The following DNAH2 variants were observed in gnomAD, a reference collection of about 807,000 sequenced individuals.
DNAH2 encodes the protein axonemal beta dynein heavy chain 2.
A neutral mutation model predicts 523.5 loss-of-function variants in DNAH2; 323 were observed. That is an observed-to-expected ratio of 0.62 (90% CI 0.56 to 0.68). DNAH2 has a LOEUF of 0.68. Ranked by LOEUF, DNAH2 falls within the 30% of genes least tolerant of loss-of-function variation. DNAH2 has a pLI of 0.00. For synonymous variants in DNAH2, 2,093 were observed against 2,177.4 expected, an observed-to-expected ratio of 0.96 and a Z score of 1.08; for missense variants, 4,907 against 5,701.5, an observed-to-expected ratio of 0.86 and a Z score of 4.49.
rs1220572720 is a variant in DNAH2, at chr17:7,719,897, C to G, written c.163C>G (p.Pro55Ala). ...ELQAELPKEE[P>A]EPRLEGPQAQ... ...GCAGGCTGAGCTCCCCAAGGAGGAG[C>G]CTGGTGGGTACTTGCTGGGGCAGAG... Residue 55 changes from proline to alanine, a missense_variant, in exon 2 of 86, where the codon CCT becomes GCT. This residue lies in a region of DNAH2 where 2,806 missense variants were observed against 3,190.8 expected (regional missense o/e 0.88). Transcript: ENST00000572933. The G allele has an allele frequency of 1.2e-5, 18 of 1,537,134 alleles. No homozygotes were observed. In the South Asian group the frequency reaches 2.3e-4, roughly 20 times the overall value.
chr17:7,722,186 AC>A (rs1486081183), intron 2 of DNAH2, among the ~76,000 whole-genome samples: 6 of 30,264 alleles, frequency 2.0e-4, no homozygotes, highest in South Asian at 3.4e-3. Context: ...TTTTATAGAG[AC>A]GGGGGGGGGG....
chr17:7,766,073 G>A (rs993301847), intron 21 of DNAH2, among the ~76,000 whole-genome samples: 1 of 151,976 alleles, frequency 6.6e-6, no homozygotes, highest in Non-Finnish European at 1.5e-5. Context: ...CACCGCGCCC[G>A]GCCCGCATTT....
intron 12 of DNAH2, among the ~76,000 whole-genome samples, chr17:7,746,679 G>T (rs1196103269): frequency 6.6e-6 from 1 of 152,060 alleles, no homozygotes; most frequent in Non-Finnish European, 1.5e-5. Flanking sequence ...AAAAACAAAA[G>T]ATTAATGCAG....
In DNAH2 at chr17:7,823,818, C is replaced by T. The variant is rs764520101; in HGVS notation, c.11330-16C>T. 1 of 1,612,992 alleles carries T rather than the reference C, an allele frequency of 6.2e-7. No homozygotes were observed. Among genetic ancestry groups the T allele is most frequent in the East Asian group, 2.2e-5 (1 of 44,870 alleles). ...GACTCACTCCCTCTCCCTGCAATGA[C>T]TCACCTCATCCCCAGGTGAGTGGGA... On this transcript the variant is annotated splice_polypyrimidine_tract_variant and intron_variant, in intron 74 of 85. Coordinates refer to ENST00000572933, the MANE Select transcript of DNAH2 (RefSeq NM_020877.5).
At chr17:7,743,313 A>G in intron 12 of DNAH2, 171 bp downstream of exon 12, 1 of 740,196 alleles carries the variant, frequency 1.4e-6, no homozygotes, top group Non-Finnish European at 2.4e-6. Context: ...GTCTCTCCCC[A>G]CCTCCCACCC....
chr17:7,739,836 T>C lies in DNAH2; in HGVS notation c.1274T>C (p.Leu425Pro), dbSNP rs1041331280. 5.0e-6 allele frequency: 8 copies of C among 1,614,048 alleles called. No individual in the cohort carries two copies. The highest frequency in any genetic ancestry group is 5.1e-6 in the Non-Finnish European group (6 of 1,180,010). Residue 425 changes from leucine (L) to proline (P), a missense_variant, in exon 9 of 86, where the codon CTG becomes CCG. By Grantham distance (98) the Leu-to-Pro change is moderately conservative. Around this residue, in one of 3 missense-constraint regions of DNAH2, gnomAD observed 2,806 missense variants for 3,190.8 expected, o/e 0.88. Coordinates refer to ENST00000572933, the MANE Select transcript of DNAH2 (RefSeq NM_020877.5). ...AQGPQITRNLLEIEDIFHKNL... is the reference protein window; with the variant it reads ...AQGPQITRNLPEIEDIFHKNL... Reference sequence around the variant, plus strand: ...GGGCCACAGATAACACGGAACTTGCTGGAGATTGAGGACATCTTTCATAAA... The same window carrying C: ...GGGCCACAGATAACACGGAACTTGCCGGAGATTGAGGACATCTTTCATAAA...
At chr17:7,804,856 A>AC in intron 59 of DNAH2, 102 bp from the exon 60 acceptor site, 1 of 1,132,226 alleles carries the variant, frequency 8.8e-7, no homozygotes, top group East Asian at 2.4e-5. Context: ...AAAAAAAAAA[A>AC]AAAATTCTTT....
In DNAH2 at chr17:7,766,913, G is replaced by A. The variant is rs902546152; in HGVS notation, c.3675+432G>A. On this transcript the variant is annotated intron_variant, in intron 22 of 85. Coordinates refer to ENST00000572933, the MANE Select transcript of DNAH2 (RefSeq NM_020877.5). ...GATCCACCTGGCTCGACCTCCCAAAGTGCTAGGATTACAGGTGTGAGCCAC... is the reference window on the plus strand; with the variant it reads ...GATCCACCTGGCTCGACCTCCCAAAATGCTAGGATTACAGGTGTGAGCCAC... 3.9e-5 allele frequency among the ~76,000 whole-genome samples: 6 copies of A among 152,114 alleles called. No individual in the cohort carries two copies. The South Asian group carries it at 1.0e-3, about 26-fold the overall frequency.
chr17:7,806,929 T>C (rs956629024), intron 61 of DNAH2, among the ~76,000 whole-genome samples: 2 of 151,848 alleles, frequency 1.3e-5, no homozygotes, highest in Non-Finnish European at 2.9e-5. Flanking sequence ...AGGTAAGTGA[T>C]GAGAGAGGAG....
chr17:7,825,420 A>C (rs140535435), intron 77 of DNAH2, among the ~76,000 whole-genome samples: 74 of 152,358 alleles, frequency 4.9e-4, no homozygotes, highest in Non-Finnish European at 8.4e-4. Flanking sequence ...AGCTGTTTGA[A>C]TCACGCATGG....
At chr17:7,791,826 C>T in intron 44 of DNAH2, 91 bp from the exon 45 acceptor site, 1 of 1,300,290 alleles carries the variant, frequency 7.7e-7, no homozygotes, top group South Asian at 1.5e-5. Context: ...GAGGAAGACC[C>T]AGGCTTTCCA....
intron 4 of DNAH2, among the ~76,000 whole-genome samples, chr17:7,730,006 A>C (rs923553645): frequency 6.6e-6 from 1 of 152,210 alleles, no homozygotes; most frequent in Non-Finnish European, 1.5e-5. Flanking sequence ...CTGCAAGTGC[A>C]TTACATCAAA....
At chr17:7,769,012 C>T (rs145804336) in intron 24 of DNAH2, among the ~76,000 whole-genome samples, 33 of 152,274 alleles carry the variant, frequency 2.2e-4, no homozygotes, top group African/African-American at 7.5e-4. Context: ...GAACATGTGG[C>T]GCAGACACCA....
Position 7,794,314 on chromosome 17 carries a change from A to G in DNAH2, c.7630A>G (p.Arg2544Gly), listed in dbSNP as rs754094642. The G allele has an allele frequency of 3.7e-5, 59 of 1,610,396 alleles. No individual in the cohort carries two copies. Among genetic ancestry groups the G allele is most frequent in the Non-Finnish European group, 4.8e-5 (56 of 1,178,492 alleles). ...GGGTGGACGGACTGTCATCTCCCCA[A>G]GGCTACGGAGTCGCTTCAACATTAT... ...PGGGRTVISP[R>G]LRSRFNIINM... The change falls in exon 49 of 86, where the codon AGG becomes GGG. Residue 2544 changes from arginine to glycine, a missense_variant. Around this residue, in one of 3 missense-constraint regions of DNAH2, gnomAD observed 250 missense variants for 371.3 expected, o/e 0.67. Coordinates refer to ENST00000572933, the MANE Select transcript of DNAH2 (RefSeq NM_020877.5).
intron 71 of DNAH2, 68 bp from the exon 72 acceptor site, chr17:7,819,141 C>A (rs1447303282): frequency 6.2e-7 from 1 of 1,605,250 alleles, no homozygotes; most frequent in East Asian, 2.2e-5. Context: ...CGAGACCCCT[C>A]CTTCCCTGAG....
intron 12 of DNAH2, chr17:7,755,070 G>A (rs1029128726): frequency 3.8e-6 from 1 of 260,364 alleles, no homozygotes; most frequent in African/African-American, 2.2e-5. Flanking sequence ...GTGGAAACAG[G>A]TAAGTGCATA....
rs933601316 is a variant in DNAH2 at position 7,832,801 on chromosome 17, T to TA, written c.12903+46_12903+47insA. On this transcript the variant is annotated intron_variant, in intron 83 of 85. Transcript: ENST00000572933. The surrounding 1 kb of genome is among the most constrained non-coding windows in gnomAD (Gnocchi z 4.3). ...GAGGGGGGGATGTATGCTGGGGCCATGTATGTGTTCTCCTCTTCAGGGTCC... is the reference window on the plus strand; with the variant it reads ...GAGGGGGGGATGTATGCTGGGGCCATAGTATGTGTTCTCCTCTTCAGGGTCC... The TA allele has an allele frequency of 6.2e-7, 1 of 1,614,020 alleles. No individual in the cohort carries two copies.
At chr17:7,731,164 G>GA (rs1489637147) in intron 4 of DNAH2, among the ~76,000 whole-genome samples, 1 of 131,288 alleles carries the variant, frequency 7.6e-6, no homozygotes, top group Admixed American at 7.7e-5. Flanking sequence ...AAATTAAAAA[G>GA]AAAAAGAAAA....
Position 7,770,337 on chromosome 17 carries a change from G to C in DNAH2, c.4027G>C (p.Gly1343Arg), listed in dbSNP as rs1362497764. The stretch of plus-strand genomic sequence containing the variant: ...CACCTTGGAGCAGATTGTGGAGCTT[G>C]GGATGGATCAGCATGTGGAGAAAAT... The part of the protein sequence containing the change: ...SFTLEQIVEL[G>R]MDQHVEKIGE... The change falls in exon 25 of 86, where the codon GGG becomes CGG. Residue 1343 changes from glycine to arginine, a missense_variant. By Grantham distance (125) the Gly-to-Arg change is moderately radical (BLOSUM62 -2). Transcript: ENST00000572933. 1.2e-6 allele frequency: 2 copies of C among 1,614,112 alleles called. No individual in the cohort carries two copies. The highest frequency in any genetic ancestry group is 1.7e-6 in the Non-Finnish European group (2 of 1,180,012).
Sources: gnomAD v4.1 joint callset for allele counts (sites outside exome capture counted in the v4.1 genomes callset) on GRCh38, gnomAD v4.1.1 for gene constraint, gnomAD v4.1.1 regional missense constraint, Gnocchi (gnomAD v3.1) non-coding constraint, MANE v1.5 for transcripts, NCBI Gene and HGNC (gene_info 2026-07-23, HGNC 2026-07-21) for gene names.